Variants in PPP2R3A observed in about 807,000 individuals in gnomAD.
PPP2R3A encodes serine/threonine-protein phosphatase 2A regulatory subunit B'' subunit alpha.
A neutral mutation model predicts 106.9 loss-of-function variants in PPP2R3A; 80 were observed. That is an observed-to-expected ratio of 0.75 (90% CI 0.62 to 0.90). The LOEUF (loss-of-function observed/expected upper bound fraction) is 0.90, where lower values mean the gene tolerates loss of function less well. Ranked by LOEUF, PPP2R3A falls within the 40% of genes least tolerant of loss-of-function variation. PPP2R3A has a pLI of 0.00. For synonymous variants in PPP2R3A, 483 were observed against 468.3 expected, an observed-to-expected ratio of 1.03 and a Z score of -0.41; for missense variants, 1,386 against 1,350.4, an observed-to-expected ratio of 1.03 and a Z score of -0.41.
intron 13 of PPP2R3A, among the ~76,000 whole-genome samples, chr3:136,132,921 T>C (rs1938482413): frequency 6.6e-6 from 1 of 152,028 alleles, no homozygotes; most frequent in Admixed American, 6.6e-5. Flanking sequence ...AGTGTAACAC[T>C]CCAACTAATT....
chr3:135,999,556 A>G (rs1176759533), intron 1 of PPP2R3A, among the ~76,000 whole-genome samples: 1 of 149,460 alleles, frequency 6.7e-6, no homozygotes, highest in Non-Finnish European at 1.5e-5. Flanking sequence ...ATTCTTTGGC[A>G]TTTTTTTTTT....
At chr3:136,069,770 C>G (rs929000412) in intron 5 of PPP2R3A, among the ~76,000 whole-genome samples, 2 of 152,090 alleles carry the variant, frequency 1.3e-5, no homozygotes, top group Non-Finnish European at 2.9e-5. Context: ...GCTATTTCCT[C>G]TGGTTAATTA....
intron 13 of PPP2R3A, among the ~76,000 whole-genome samples, chr3:136,136,202 C>G (rs181626510): frequency 2.6e-5 from 4 of 151,698 alleles, no homozygotes. Flanking sequence ...GCCTCAGCAT[C>G]CTCTATAAAA....
intron 1 of PPP2R3A, among the ~76,000 whole-genome samples, chr3:135,995,955 G>A (rs1933380443): frequency 1.3e-5 from 2 of 152,274 alleles, no homozygotes; most frequent in East Asian, 3.9e-4. Context: ...GTTTGGTGAT[G>A]ACGCATTTCT....
intron 3 of PPP2R3A, among the ~76,000 whole-genome samples, chr3:136,029,096 G>A (rs986470472): frequency 3.9e-5 from 6 of 152,024 alleles, no homozygotes; most frequent in African/African-American, 7.2e-5. Flanking sequence ...CAGGTTATCC[G>A]CCCACCTCGG....
chr3:136,079,125 T>TTTA (rs1936696059), intron 7 of PPP2R3A: 3 of 448,266 alleles, frequency 6.7e-6, no homozygotes, highest in African/African-American at 2.0e-5. Flanking sequence ...TACTCTTTAT[T>TTTA]TTTTCCTATC....
At chr3:135,967,040 C>G (rs1937110875) in intron 1 of PPP2R3A, among the ~76,000 whole-genome samples, 1 of 151,938 alleles carries the variant, frequency 6.6e-6, no homozygotes, top group Non-Finnish European at 1.5e-5. Context: ...ATCTCAGTTT[C>G]TTTCAGTAGT....
At position 135,988,028 on chromosome 3, in the gene PPP2R3A, G is replaced by A. The variant is rs143735978; in HGVS notation, c.-440-13031G>A. Among the ~76,000 whole-genome samples the A allele has an allele frequency of 2.9e-3, 436 of 151,812 alleles. 3 individuals are homozygous for A. The highest frequency in any genetic ancestry group is 0.01 in the African/African-American group (419 of 41,416). On this transcript the variant is annotated intron_variant, in intron 1 of 13. Transcript: ENST00000264977. Reference sequence around the variant, plus strand: ...AAGACTCCCAAATTTCTATCAACCCGGATCTGTCCCCTAAACTCCAGGCTC... The same window carrying A: ...AAGACTCCCAAATTTCTATCAACCCAGATCTGTCCCCTAAACTCCAGGCTC...
intron 3 of PPP2R3A, among the ~76,000 whole-genome samples, chr3:136,036,431 C>G (rs1935088372): frequency 6.6e-6 from 1 of 152,078 alleles, no homozygotes; most frequent in African/African-American, 2.4e-5. Flanking sequence ...TAGTACTCTC[C>G]CCCTTTTCCT....
chr3:136,093,887 G>A (rs1197172635), intron 10 of PPP2R3A, among the ~76,000 whole-genome samples: 1 of 152,040 alleles, frequency 6.6e-6, no homozygotes, highest in Non-Finnish European at 1.5e-5. Context: ...CACTCCTTAG[G>A]TATATACTCA....
chr3:136,117,563 C>G (rs1937821131), intron 13 of PPP2R3A, among the ~76,000 whole-genome samples: 1 of 152,170 alleles, frequency 6.6e-6, no homozygotes, highest in African/African-American at 2.4e-5. Context: ...ACCGATCCCA[C>G]AGAAATACAA....
intron 10 of PPP2R3A, among the ~76,000 whole-genome samples, chr3:136,096,263 A>C (rs1237556438): frequency 6.6e-6 from 1 of 152,218 alleles, no homozygotes; most frequent in Non-Finnish European, 1.5e-5. Flanking sequence ...ATTTAAGAAA[A>C]TGGAACAGGC....
intron 7 of PPP2R3A, among the ~76,000 whole-genome samples, chr3:136,080,305 C>G (rs770201489): frequency 6.6e-6 from 1 of 152,068 alleles, no homozygotes; most frequent in Non-Finnish European, 1.5e-5. Flanking sequence ...TTCAGATTTC[C>G]TCTATTACAG....
At chr3:136,138,807 G>C (rs1180486158) in intron 13 of PPP2R3A, among the ~76,000 whole-genome samples, 1 of 130,578 alleles carries the variant, frequency 7.7e-6, no homozygotes, top group Non-Finnish European at 1.5e-5. Flanking sequence ...CACCTCCCAG[G>C]TTCAAGCGAT....
intron 3 of PPP2R3A, among the ~76,000 whole-genome samples, chr3:136,031,751 T>G (rs1444888622): frequency 6.6e-6 from 1 of 152,180 alleles, no homozygotes; most frequent in Non-Finnish European, 1.5e-5. Context: ...ACCATTTGTT[T>G]GAAAAGAGTA....
In PPP2R3A at chr3:136,002,428, G is replaced by C. The variant is rs981274516; in HGVS notation, c.930G>C (p.Leu310=). ...GNNEALDLTE[L]ISNMPSLQLT... is the part of the protein sequence containing the mutation. Reference sequence around the variant, plus strand: ...ATGAGGCTCTAGATTTAACAGAACTGATCAGTAATATGCCTAGCTTACAAC... The same window carrying C: ...ATGAGGCTCTAGATTTAACAGAACTCATCAGTAATATGCCTAGCTTACAAC... The change falls in exon 2 of 14, where the codon CTG becomes CTC. Residue 310 remains leucine, a synonymous_variant. Coordinates refer to ENST00000264977, the MANE Select transcript of PPP2R3A (RefSeq NM_002718.5). 6.2e-7 allele frequency: 1 copy of C among 1,613,888 alleles called. No individual in the cohort carries two copies. The highest frequency in any genetic ancestry group is 8.5e-7 in the Non-Finnish European group (1 of 1,179,840).
chr3:136,112,368 A>G (rs934877182), intron 13 of PPP2R3A, among the ~76,000 whole-genome samples: 10 of 152,342 alleles, frequency 6.6e-5, no homozygotes, highest in African/African-American at 2.4e-4. Flanking sequence ...TGCAGATGAT[A>G]TAATTCTATA....
Position 136,147,795 on chromosome 3 carries a change from G to C in PPP2R3A, c.*2629G>C, listed in dbSNP as rs944526547. ...ATAAAACTCTAGATTCATCAAATGA[G>C]ATTTGCTCAGCTTTTTGAAATGTTA... On this transcript the variant is annotated 3_prime_UTR_variant, in exon 14 of 14. Coordinates refer to ENST00000264977, the MANE Select transcript of PPP2R3A (RefSeq NM_002718.5). 2.0e-5 allele frequency: 3 copies of C among 152,204 alleles called. No homozygotes were observed. The highest frequency in any genetic ancestry group is 4.4e-5 in the Non-Finnish European group (3 of 68,034). The allele number at this position is 152,204 out of a possible 1,614,324, so 9.4% of individuals were successfully genotyped here. A position where few individuals can be genotyped will look rare whatever the true frequency, so the allele number is the denominator to read the frequency against.
At chr3:136,098,139 C>G (rs576307766) in intron 10 of PPP2R3A, among the ~76,000 whole-genome samples, 11 of 152,268 alleles carry the variant, frequency 7.2e-5, no homozygotes, top group Non-Finnish European at 1.6e-4. Context: ...ATAGGAAGAC[C>G]TGATCTCTAC....
Sources: allele counts gnomAD v4.1 joint callset (sites outside exome capture counted in the v4.1 genomes callset), GRCh38; gene constraint gnomAD v4.1.1; transcripts MANE v1.5; gene names NCBI Gene and HGNC (gene_info 2026-07-23, HGNC 2026-07-21).